The following EPB41L5 variants were observed in gnomAD, a reference collection of about 807,000 sequenced individuals.
EPB41L5 encodes band 4.1-like protein 5.
In EPB41L5, 55 loss-of-function variants were observed where a neutral mutation model predicts 106.6. That is an observed-to-expected ratio of 0.52 (90% CI 0.42 to 0.65). The LOEUF is 0.65. Ranked by LOEUF, EPB41L5 falls within the 30% of genes least tolerant of loss-of-function variation. EPB41L5 has a pLI of 0.00. For synonymous variants in EPB41L5, 297 were observed against 306.7 expected, an observed-to-expected ratio of 0.97 and a Z score of 0.33; for missense variants, 871 against 882.1, an observed-to-expected ratio of 0.99 and a Z score of 0.16.
In EPB41L5 at chr2:120,031,830, C is replaced by T. The variant is rs57634290; in HGVS notation, c.181-10176C>T. On this transcript the variant is annotated intron_variant, in intron 2 of 24. Coordinates refer to ENST00000263713, the MANE Select transcript of EPB41L5 (RefSeq NM_020909.4). ...CACTGATATACTGATTCTTGAGAAA[C>T]CAGAATCAAGAGTTCATTAGAAGGG... Among the ~76,000 whole-genome samples, 611 of 152,176 alleles carry T rather than the reference C, an allele frequency of 4.0e-3. 2 individuals are homozygous for T. The highest frequency in any genetic ancestry group is 0.014 in the African/African-American group (570 of 41,526).
chr2:120,112,352 C>T (rs1684762202), intron 16 of EPB41L5, among the ~76,000 whole-genome samples: 1 of 152,124 alleles, frequency 6.6e-6, no homozygotes, highest in Non-Finnish European at 1.5e-5. Context: ...ATTTTGTTTC[C>T]TTCTGTATCC....
Position 120,176,321 on chromosome 2 carries a change from A to G in EPB41L5, c.*1414A>G, listed in dbSNP as rs546030253. On this transcript the variant is annotated 3_prime_UTR_variant, in exon 25 of 25. Coordinates refer to ENST00000263713, the MANE Select transcript of EPB41L5 (RefSeq NM_020909.4). ...TCTAGTTTTCTGTCCTGCAATATGTATATAATTAAGCACTAATTTGTACTG... is the reference window on the plus strand; with the variant it reads ...TCTAGTTTTCTGTCCTGCAATATGTGTATAATTAAGCACTAATTTGTACTG... The G allele has an allele frequency of 6.6e-6, 1 of 152,396 alleles. No individual in the cohort carries two copies. The highest frequency in any genetic ancestry group is 2.4e-5 in the African/African-American group (1 of 41,568). The allele number at this position is 152,396 out of a possible 1,614,324, so 9.4% of individuals were successfully genotyped here. A position where few individuals can be genotyped will look rare whatever the true frequency, so the allele number is the denominator to read the frequency against.
chr2:120,153,658 T>G (rs1343290968), intron 20 of EPB41L5, among the ~76,000 whole-genome samples: 1 of 152,236 alleles, frequency 6.6e-6, no homozygotes, highest in Non-Finnish European at 1.5e-5. Context: ...TTTTGCTTCA[T>G]ATATTTGGGT....
At chr2:120,093,319 G>A in intron 14 of EPB41L5, 43 bp downstream of exon 14, 2 of 1,542,066 alleles carry the variant, frequency 1.3e-6, no homozygotes, top group Non-Finnish European at 1.8e-6. Flanking sequence ...TAGAATTTGG[G>A]ATTTATGTAG....
At chr2:120,035,282 G>C (rs1678975272) in intron 2 of EPB41L5, among the ~76,000 whole-genome samples, 1 of 152,014 alleles carries the variant, frequency 6.6e-6, no homozygotes, top group South Asian at 2.1e-4. Context: ...ATTTTTTGTA[G>C]AGATAGGGTC....
chr2:120,137,441 TAAAC>T (rs1336387903), intron 18 of EPB41L5, among the ~76,000 whole-genome samples: 1 of 151,666 alleles, frequency 6.6e-6, no homozygotes, highest in African/African-American at 2.4e-5. Context: ...TGTGAAAAGA[TAAAC>T]AAAATGGACA....
chr2:120,174,881 A>C lies in EPB41L5; in HGVS notation c.2176A>C (p.Lys726Gln). 1 of 1,614,206 alleles carries C rather than the reference A, an allele frequency of 6.2e-7. No individual in the cohort carries two copies. The highest frequency in any genetic ancestry group is 8.5e-7 in the Non-Finnish European group (1 of 1,180,036). ...GGCAGAAGAAGCTGTCCTGAAGCAG[A>C]AGTGTTTACTGACCACTGAGCTCTG... ...ILAEEAVLKQKCLLTTEL is the reference protein window; with the variant it reads ...ILAEEAVLKQQCLLTTEL The change falls in exon 25 of 25, where the codon AAG becomes CAG. Residue 726 changes from lysine (K) to glutamine (Q), a missense_variant. Coordinates refer to ENST00000263713, the MANE Select transcript of EPB41L5 (RefSeq NM_020909.4).
Position 120,078,569 on chromosome 2 carries a change from G to A in EPB41L5, c.791G>A (p.Gly264Asp). ...GTTTTTGAAGGAGATACCAAAATTG[G>A]CTTATTTTTTTGGTAAGCAAGAGTT... ...VLVFEGDTKI[G>D]LFFWPKITRL... Residue 264 changes from glycine to aspartate, a missense_variant, in exon 10 of 25, where the codon GGC becomes GAC. Gly to Asp is a moderately conservative substitution (Grantham distance 94). Coordinates refer to ENST00000263713, the MANE Select transcript of EPB41L5 (RefSeq NM_020909.4). 6.2e-7 allele frequency: 1 copy of A among 1,604,938 alleles called. No individual in the cohort carries two copies. Among genetic ancestry groups the A allele is most frequent in the Non-Finnish European group, 8.5e-7 (1 of 1,175,398 alleles).
intron 20 of EPB41L5, among the ~76,000 whole-genome samples, chr2:120,153,033 C>G (rs949402651): frequency 6.6e-6 from 1 of 152,060 alleles, no homozygotes; most frequent in Non-Finnish European, 1.5e-5. Flanking sequence ...AGTGGACTAA[C>G]TTTTGGATTT....
At chr2:120,049,419 G>T (rs1025761628) in intron 3 of EPB41L5, among the ~76,000 whole-genome samples, 2 of 152,064 alleles carry the variant, frequency 1.3e-5, no homozygotes, top group African/African-American at 2.4e-5. Context: ...TTATGTAATG[G>T]CCTTCTTTGT....
chr2:120,017,302 C>T (rs192585454), intron 1 of EPB41L5, among the ~76,000 whole-genome samples: 10 of 152,314 alleles, frequency 6.6e-5, no homozygotes, highest in Admixed American at 6.5e-4. Flanking sequence ...GTATCCCCTA[C>T]CTCTTATTAT....
rs117029645 is a variant in EPB41L5 at position 120,114,074 on chromosome 2, T to C, written c.1337+13260T>C. ...AACATGTTGAGGAACTGCCAAATTG[T>C]TTTTCAGAGTGGCCACACCATGTGG... On this transcript the variant is annotated intron_variant, in intron 16 of 24. Coordinates refer to ENST00000263713, the MANE Select transcript of EPB41L5 (RefSeq NM_020909.4). Among the ~76,000 whole-genome samples the C allele has an allele frequency of 7.6e-4, 116 of 152,320 alleles. 3 individuals are homozygous for C. In the East Asian group the frequency reaches 0.02, roughly 26 times the overall value.
chr2:120,099,576 C>T (rs985752364), intron 14 of EPB41L5, among the ~76,000 whole-genome samples: 28 of 151,856 alleles, frequency 1.8e-4, no homozygotes, highest in African/African-American at 5.3e-4. Flanking sequence ...TACAGGTGCC[C>T]GCCACCACAC....
At chr2:120,114,139 CCTGT>C (rs1684846663) in intron 16 of EPB41L5, among the ~76,000 whole-genome samples, 1 of 152,028 alleles carries the variant, frequency 6.6e-6, no homozygotes, top group Non-Finnish European at 1.5e-5. Flanking sequence ...CTTACTATTG[CCTGT>C]CTTTTTTATT....
intron 10 of EPB41L5, among the ~76,000 whole-genome samples, chr2:120,086,785 A>T (rs1415598043): frequency 3.9e-5 from 6 of 152,258 alleles, no homozygotes; most frequent in Middle Eastern, 3.4e-3. Context: ...GTTTTTCTTT[A>T]TGGCTGTTTT....
At position 120,027,890 on chromosome 2, in the gene EPB41L5, G is replaced by T. The variant is rs187932271; in HGVS notation, c.180+8626G>T. 1.1e-3 allele frequency among the ~76,000 whole-genome samples: 160 copies of T among 151,898 alleles called. 2 individuals carry two copies. Among genetic ancestry groups the T allele is most frequent in the Admixed American group, 8.6e-3 (131 of 15,266 alleles). ...AAATTTTTTAATTTTTTTGGAGATG[G>T]AGTTTCACTCTTGTTAGGCTGGAGT... On this transcript the variant is annotated intron_variant, in intron 2 of 24. Coordinates refer to ENST00000263713, the MANE Select transcript of EPB41L5 (RefSeq NM_020909.4).
intron 20 of EPB41L5, among the ~76,000 whole-genome samples, chr2:120,152,143 A>C (rs1686707868): frequency 6.6e-6 from 1 of 152,138 alleles, no homozygotes; most frequent in African/African-American, 2.4e-5. Flanking sequence ...TTCACCATTG[A>C]GTGTTGTGTG....
intron 2 of EPB41L5, among the ~76,000 whole-genome samples, chr2:120,026,765 C>T (rs527490556): frequency 1.3e-5 from 2 of 152,222 alleles, no homozygotes; most frequent in East Asian, 3.9e-4. Context: ...TTTCATTTAG[C>T]CTTCAAAGGA....
At chr2:120,074,270 A>G in intron 5 of EPB41L5, 92 bp downstream of exon 5, 1 of 931,898 alleles carries the variant, frequency 1.1e-6, no homozygotes. Context: ...CAGCTAATAA[A>G]ATGGATTCCT....
Sources: gnomAD v4.1 joint callset for allele counts (sites outside exome capture counted in the v4.1 genomes callset) on GRCh38, gnomAD v4.1.1 for gene constraint, MANE v1.5 for transcripts, NCBI Gene and HGNC (gene_info 2026-07-23, HGNC 2026-07-21) for gene names.